PITPNC1: variants seen among roughly 807,000 people sequenced by gnomAD.
The protein encoded by PITPNC1 is cytoplasmic phosphatidylinositol transfer protein 1.
A neutral mutation model predicts 44.7 loss-of-function variants in PITPNC1; 18 were observed. That is an observed-to-expected ratio of 0.40 (90% CI 0.28 to 0.60). The LOEUF (loss-of-function observed/expected upper bound fraction) is 0.60, where lower values mean the gene tolerates loss of function less well. Among genes scored for constraint, PITPNC1 ranks in the 20% least tolerant of loss-of-function variants. PITPNC1 has a pLI of 0.39. For synonymous variants in PITPNC1, 141 were observed against 149.6 expected (o/e 0.94, Z 0.42); for missense variants, 290 against 418.4 (o/e 0.69, Z 2.68).
At chr17:67,688,037 TAAAA>T (rs67788348) in intron 8 of PITPNC1, among the ~76,000 whole-genome samples, 1 of 137,626 alleles carries the variant, frequency 7.3e-6, no homozygotes, top group Non-Finnish European at 1.6e-5. Context: ...TAGTAGGTGT[TAAAA>T]AAAAAAAAAA....
chr17:67,548,079 TGTCCA>T (rs2040709525), intron 2 of PITPNC1, among the ~76,000 whole-genome samples: 3 of 152,144 alleles, frequency 2.0e-5, no homozygotes, highest in South Asian at 2.1e-4. Flanking sequence ...CAACCGAAAA[TGTCCA>T]GACATTGCCA....
At chr17:67,566,459 C>T (rs550949667) in intron 4 of PITPNC1, among the ~76,000 whole-genome samples, 12 of 152,312 alleles carry the variant, frequency 7.9e-5, no homozygotes, top group Admixed American at 6.5e-4. Flanking sequence ...CCGTGTCAGC[C>T]TCCCAAAGTG....
chr17:67,576,261 A>G (rs1432292914), intron 4 of PITPNC1, among the ~76,000 whole-genome samples: 1 of 152,120 alleles, frequency 6.6e-6, no homozygotes, highest in South Asian at 2.1e-4. Context: ...GGTGAAGAGT[A>G]TGGACACTGA....
At position 67,687,118 on chromosome 17, in the gene PITPNC1, C is replaced by T. The variant is rs769235604; in HGVS notation, c.683-5454C>T. The T allele has an allele frequency of 3.1e-6, 5 of 1,612,392 alleles. No homozygotes were observed. In the Admixed American group the frequency reaches 8.3e-5, roughly 27 times the overall value. ...ACGAGAAAAACATGCATGAACAAAC[C>T]AACATAAAAGTTTGCAATCAGCATT... On this transcript the variant is annotated intron_variant, in intron 8 of 8. Coordinates refer to ENST00000581322, the MANE Select transcript of PITPNC1 (RefSeq NM_012417.4).
At chr17:67,532,564 G>A (rs936736880) in intron 1 of PITPNC1, among the ~76,000 whole-genome samples, 4 of 152,056 alleles carry the variant, frequency 2.6e-5, no homozygotes, top group Non-Finnish European at 4.4e-5. Context: ...CCAGCCACCC[G>A]GCCGAGCATT....
chr17:67,622,939 C>T (rs187224195), intron 5 of PITPNC1, among the ~76,000 whole-genome samples: 104 of 151,964 alleles, frequency 6.8e-4, no homozygotes, highest in African/African-American at 2.3e-3. Flanking sequence ...TATTAACTAG[C>T]AGCCAGTATA....
At chr17:67,623,482 C>T (rs865981593) in intron 5 of PITPNC1, among the ~76,000 whole-genome samples, 6 of 152,284 alleles carry the variant, frequency 3.9e-5, no homozygotes, top group Middle Eastern at 3.4e-3. Flanking sequence ...CGGGTTCAAA[C>T]GATTCTCCTG....
chr17:67,382,338 GGTGTGT>G (rs112100189), intron 1 of PITPNC1, among the ~76,000 whole-genome samples: 7,740 of 146,172 alleles, frequency 0.053, 245 homozygotes, highest in Middle Eastern at 0.14. Context: ...GGGGTTTTTT[GGTGTGT>G]GTGTGTGTGT....
At chr17:67,599,022 ATATATATATATATTTT>A (rs1215083551) in intron 5 of PITPNC1, among the ~76,000 whole-genome samples, 32 of 41,804 alleles carry the variant, frequency 7.7e-4, no homozygotes, top group African/African-American at 3.1e-3. Flanking sequence ...ATATATATAT[ATATATATATATATTTT>A]TTTTTTTTTT....
At chr17:67,404,161 G>C (rs1289613788) in intron 1 of PITPNC1, among the ~76,000 whole-genome samples, 1 of 152,136 alleles carries the variant, frequency 6.6e-6, no homozygotes, top group Non-Finnish European at 1.5e-5. Flanking sequence ...TCCTAAAATG[G>C]GGATATGTTC....
intron 5 of PITPNC1, among the ~76,000 whole-genome samples, chr17:67,616,544 G>A (rs2041759990): frequency 6.6e-6 from 1 of 152,054 alleles, no homozygotes; most frequent in Admixed American, 6.6e-5. Flanking sequence ...TCTGATCACT[G>A]CCCCTTGAAT....
chr17:67,526,656 T>C (rs1180484593), intron 1 of PITPNC1, among the ~76,000 whole-genome samples: 2 of 150,234 alleles, frequency 1.3e-5, no homozygotes, highest in African/African-American at 4.9e-5. Context: ...TCCTTGAACC[T>C]GGGGGGCAGA....
At chr17:67,524,409 C>T (rs2040368802) in intron 1 of PITPNC1, 1 of 151,778 alleles carries the variant, frequency 6.6e-6, no homozygotes, top group African/African-American at 2.4e-5. Flanking sequence ...CATACCTCTG[C>T]ACTCCAGCCT....
At chr17:67,473,522 G>A (rs533917269) in intron 1 of PITPNC1, among the ~76,000 whole-genome samples, 36 of 150,626 alleles carry the variant, frequency 2.4e-4, no homozygotes, top group Non-Finnish European at 3.6e-4. Context: ...TAGTAGAGAC[G>A]GGGTTTCACC....
At chr17:67,509,804 A>T (rs2040157737) in intron 1 of PITPNC1, among the ~76,000 whole-genome samples, 1 of 152,160 alleles carries the variant, frequency 6.6e-6, no homozygotes, top group South Asian at 2.1e-4. Flanking sequence ...TCAGAGAAAT[A>T]TTATTAGAAA....
At chr17:67,455,564 T>G (rs2039243241) in intron 1 of PITPNC1, among the ~76,000 whole-genome samples, 1 of 151,990 alleles carries the variant, frequency 6.6e-6, no homozygotes, top group Admixed American at 6.6e-5. Context: ...AGGTTACAGG[T>G]GCGCACCACC....
At chr17:67,537,058 G>A (rs139775148) in intron 2 of PITPNC1, among the ~76,000 whole-genome samples, 237 of 152,214 alleles carry the variant, frequency 1.6e-3, no homozygotes, top group African/African-American at 5.2e-3. Flanking sequence ...AAACATTAGC[G>A]AATAAAATAC....
chr17:67,391,148 AG>A (rs1225955131), intron 1 of PITPNC1, among the ~76,000 whole-genome samples: 1 of 137,880 alleles, frequency 7.3e-6, no homozygotes, highest in Non-Finnish European at 1.6e-5. Flanking sequence ...TCCTGAGCAA[AG>A]AAAAAAAAAT....
chr17:67,548,716 A>G (rs115845540), intron 2 of PITPNC1, among the ~76,000 whole-genome samples: 1,854 of 152,244 alleles, frequency 0.012, 23 homozygotes, highest in African/African-American at 0.033. Flanking sequence ...TTTTTCCTCA[A>G]TGTCTCTAAA....
Sources: gnomAD v4.1 joint callset for allele counts (sites outside exome capture counted in the v4.1 genomes callset) on GRCh38, gnomAD v4.1.1 for gene constraint, MANE v1.5 for transcripts, NCBI Gene and HGNC (gene_info 2026-07-23, HGNC 2026-07-21) for gene names.